Variants in SACS observed in about 807,000 individuals in gnomAD.
SACS encodes sacsin.
SACS carries 197 observed loss-of-function variants against 348.0 expected under a neutral mutation model. The ratio of observed to expected loss-of-function variants is 0.57; its 90% confidence interval spans 0.50 to 0.64. The LOEUF (loss-of-function observed/expected upper bound fraction) is 0.64, where lower values mean the gene tolerates loss of function less well. Among genes scored for constraint, SACS ranks in the 30% least tolerant of loss-of-function variants. The pLI is 0.00. For synonymous variants in SACS, 1,985 were observed against 1,910.6 expected (o/e 1.04, Z -1.02); for missense variants, 4,999 against 5,360.8 (o/e 0.93, Z 2.11).
chr13:23,406,546 TTAAG>T (rs879504393), intron 2 of SACS, among the ~76,000 whole-genome samples: 1 of 152,142 alleles, frequency 6.6e-6, no homozygotes, highest in Non-Finnish European at 1.5e-5. Context: ...AGTTCTAATA[TTAAG>T]TATTATTTCT....
intron 5 of SACS, among the ~76,000 whole-genome samples, chr13:23,368,064 T>TTGGC (rs1170591714): frequency 6.0e-5 from 9 of 151,192 alleles, no homozygotes; most frequent in African/African-American, 2.2e-4. Context: ...GGCTGGCCGG[T>TTGGC]TGGCTGGCTG....
chr13:23,421,666 G>A (rs1234308693), intron 1 of SACS, among the ~76,000 whole-genome samples: 1 of 152,122 alleles, frequency 6.6e-6, no homozygotes, highest in Admixed American at 6.6e-5. Context: ...TGTCCACCTG[G>A]GGCCTGATGT....
At position 23,338,238 on chromosome 13, in the gene SACS, T is replaced by C; in HGVS notation, c.5638A>G (p.Thr1880Ala). Reference protein sequence around the residue: ...VFCYLPLRIKTGLPVHINGCF... With the variant: ...VFCYLPLRIKAGLPVHINGCF... ...CCATTGATATGAACTGGCAAGCCTG[T>C]TTTTATTCGTAAAGGTAAATAGCAA... The change falls in exon 10 of 10, where the codon ACA (threonine) becomes GCA (alanine). Residue 1880 changes from threonine (T) to alanine (A), a missense_variant. By Grantham distance (58) the Thr-to-Ala change is moderately conservative (BLOSUM62 0). Around this residue, in one of 6 missense-constraint regions of SACS, gnomAD observed 3,156 missense variants for 3,380.1 expected, o/e 0.93. Transcript: ENST00000382292. 1 of 1,614,130 alleles carries C rather than the reference T, an allele frequency of 6.2e-7. No homozygotes were observed. The highest frequency in any genetic ancestry group is 8.5e-7 in the Non-Finnish European group (1 of 1,180,012).
At chr13:23,346,715 T>C (rs1007994653) in intron 9 of SACS, 3 of 454,376 alleles carry the variant, frequency 6.6e-6, no homozygotes, top group African/African-American at 6.4e-5. Flanking sequence ...GTTGACATAA[T>C]TTCTAGCTAC....
chr13:23,414,173 G>A (rs985597884), intron 1 of SACS, among the ~76,000 whole-genome samples: 12 of 152,072 alleles, frequency 7.9e-5, no homozygotes, highest in Admixed American at 3.9e-4. Flanking sequence ...GCGTGGTGGC[G>A]GGCACCTGTA....
chr13:23,345,262 A>G (rs1869523088), intron 9 of SACS, among the ~76,000 whole-genome samples: 1 of 152,232 alleles, frequency 6.6e-6, no homozygotes. Flanking sequence ...TGTACTGTAG[A>G]TCAGTCGCTC....
In SACS at chr13:23,341,381, G is replaced by C. The variant is rs1316135353; in HGVS notation, c.2495C>G (p.Ser832Cys). 6.2e-7 allele frequency: 1 copy of C among 1,609,522 alleles called. No individual in the cohort carries two copies. The highest frequency in any genetic ancestry group is 1.1e-5 in the South Asian group (1 of 90,216). ...IPSLVILDDESEAQLPEFLAD... is the reference protein window; with the variant it reads ...IPSLVILDDECEAQLPEFLAD... The stretch of plus-strand genomic sequence containing the variant: ...TAAAAATTCTGGAAGCTGTGCTTCA[G>C]ATTCATCGTCTAAAATGACTAACGA... Residue 832 changes from serine (S) to cysteine (C), a missense_variant, in exon 10 of 10, where the codon TCT (serine) becomes TGT (cysteine). Transcript: ENST00000382292.
chr13:23,412,451 T>C (rs1313114004), intron 1 of SACS, among the ~76,000 whole-genome samples: 1 of 148,262 alleles, frequency 6.7e-6, no homozygotes, highest in Non-Finnish European at 1.5e-5. Context: ...CCTCCCTCTA[T>C]TGTCCAGGCT....
chr13:23,412,160 G>A (rs1174406935), intron 1 of SACS, among the ~76,000 whole-genome samples: 3 of 152,120 alleles, frequency 2.0e-5, no homozygotes, highest in Non-Finnish European at 4.4e-5. Context: ...TTGGGAGGCT[G>A]AGGCAGGAGA....
chr13:23,421,191 G>A (rs1282771229), intron 1 of SACS, among the ~76,000 whole-genome samples: 2 of 152,108 alleles, frequency 1.3e-5, no homozygotes, highest in Non-Finnish European at 2.9e-5. Flanking sequence ...AGCCACCTGA[G>A]GCCTGGTGGT....
chr13:23,366,881 G>C (rs148230507), intron 5 of SACS, among the ~76,000 whole-genome samples: 2 of 152,180 alleles, frequency 1.3e-5, no homozygotes, highest in Non-Finnish European at 2.9e-5. Context: ...TACCATAGAA[G>C]GTGGTGGTGT....
In SACS at chr13:23,329,755, AGT is replaced by A; in HGVS notation, c.*379_*380del. 1 of 491,336 alleles carries A rather than the reference AGT, an allele frequency of 2.0e-6. No homozygotes were observed. The highest frequency in any genetic ancestry group is 3.6e-6 in the Non-Finnish European group (1 of 280,400). The allele number at this position is 491,336 out of a possible 1,614,324, so 30.4% of individuals were successfully genotyped here. Reference sequence around the variant, plus strand: ...TTATGTTTAAACCAATTATATGTCCAGTGTTTCATTAGCTCCTTCAAAAATAC... The same window carrying A: ...TTATGTTTAAACCAATTATATGTCCAGTTTCATTAGCTCCTTCAAAAATAC... On this transcript the variant is annotated 3_prime_UTR_variant, in exon 10 of 10. Coordinates refer to ENST00000382292, the MANE Select transcript of SACS (RefSeq NM_014363.6).
At chr13:23,354,355 T>C (rs533406290) in intron 8 of SACS, among the ~76,000 whole-genome samples, 164 bp downstream of exon 8, 3 of 152,322 alleles carry the variant, frequency 2.0e-5, no homozygotes, top group Admixed American at 6.5e-5. Context: ...TTTTAGAATA[T>C]AAAATGTATC....
At chr13:23,418,955 T>C (rs1873798880) in intron 1 of SACS, 2 of 152,290 alleles carry the variant, frequency 1.3e-5, no homozygotes, top group Admixed American at 1.3e-4. Context: ...CTTGCACACG[T>C]GGTGCGGAAG....
rs771115225 is a variant in SACS at position 23,355,668 on chromosome 13, T to C, written c.944A>G (p.Asp315Gly). The part of the protein sequence containing the change: ...TVLLFLKSVQ[D>G]VSLYVREADG... ...AGCCTCTCGGACATATAAGGAAACA[T>C]CCTGCACACTTTTCAGAAAGAGCAG... is the stretch of plus-strand genomic sequence containing the variant. Residue 315 changes from aspartate (D) to glycine (G), a missense_variant, in exon 8 of 10, where the codon GAT (aspartate) becomes GGT (glycine). By Grantham distance (94) the Asp-to-Gly change is moderately conservative. Around this residue, in one of 6 missense-constraint regions of SACS, gnomAD observed 3,156 missense variants for 3,380.1 expected, o/e 0.93. Transcript: ENST00000382292. 34 of 1,614,030 alleles carry C rather than the reference T, an allele frequency of 2.1e-5. No individual in the cohort carries two copies. The East Asian group carries it at 6.9e-4, about 33-fold the overall frequency.
intron 2 of SACS, among the ~76,000 whole-genome samples, chr13:23,389,867 G>A (rs1304988452): frequency 2.6e-5 from 4 of 152,154 alleles, no homozygotes; most frequent in African/African-American, 4.8e-5. Flanking sequence ...GGATGGACAA[G>A]GGAGCATTTT....
rs755419271 is a variant in SACS, at chr13:23,332,327, GTTGAAATAATA to G, written c.11538_11548del (p.Ile3847Ter). Reference sequence around the variant, plus strand: ...GCTCAACACTTCAACATATTGCTTAGTTGAAATAATATCTTCAGTACCTAAGTGTTTGAACA... The same window carrying G: ...GCTCAACACTTCAACATATTGCTTAGTCTTCAGTACCTAAGTGTTTGAACA... On this transcript the variant is annotated frameshift_variant, in exon 10 of 10. Transcript: ENST00000382292. LOFTEE classifies it high-confidence loss of function. 6.2e-7 allele frequency: 1 copy of G among 1,613,980 alleles called. No homozygotes were observed.
At chr13:23,372,146 G>A (rs1054259307) in intron 3 of SACS, among the ~76,000 whole-genome samples, 1 of 152,182 alleles carries the variant, frequency 6.6e-6, no homozygotes, top group African/African-American at 2.4e-5. Context: ...TGCAAAGAGT[G>A]AACTAGTTTT....
intron 2 of SACS, among the ~76,000 whole-genome samples, chr13:23,383,677 C>T (rs1419708626): frequency 6.6e-6 from 1 of 152,126 alleles, no homozygotes; most frequent in Non-Finnish European, 1.5e-5. Flanking sequence ...TCAAAATTGT[C>T]TCTCTCCCCC....
Sources: gnomAD v4.1 joint callset for allele counts (sites outside exome capture counted in the v4.1 genomes callset) on GRCh38, gnomAD v4.1.1 for gene constraint, gnomAD v4.1.1 regional missense constraint, MANE v1.5 for transcripts, NCBI Gene and HGNC (gene_info 2026-07-23, HGNC 2026-07-21) for gene names.